The following SLC71A2 variants were observed in gnomAD, a reference collection of about 807,000 sequenced individuals.
The protein encoded by SLC71A2 is hippocampus abundant transcript-like 1.
chr9:94,408,825 TTG>T, the SLC71A2 span, among the ~76,000 whole-genome samples: 2,090 of 78,460 alleles, frequency 0.027, 86 homozygotes, highest in African/African-American at 0.13. Context: ...TCTGTTTTTT[TTG>T]TTTGTTTGTT....
the SLC71A2 span, among the ~76,000 whole-genome samples, chr9:94,436,285 G>T: frequency 1.3e-5 from 2 of 152,272 alleles, no homozygotes; most frequent in Admixed American, 6.5e-5. Flanking sequence ...ATCCAAACTA[G>T]ATCAGTGATA....
At chr9:94,405,978 C>G in the SLC71A2 span, among the ~76,000 whole-genome samples, 1 of 149,330 alleles carries the variant, frequency 6.7e-6, no homozygotes, top group Non-Finnish European at 1.5e-5. Flanking sequence ...TCAGCAGTGT[C>G]TTACAGTTTT....
the SLC71A2 span, among the ~76,000 whole-genome samples, chr9:94,418,757 CTTT>C: frequency 6.1e-5 from 8 of 131,216 alleles, no homozygotes; most frequent in Non-Finnish European, 8.4e-5. Context: ...TCCTTTAATT[CTTT>C]TTTTTTTTTT....
chr9:94,390,252 T>C, the SLC71A2 span, among the ~76,000 whole-genome samples: 1 of 150,380 alleles, frequency 6.6e-6, no homozygotes, highest in East Asian at 2.0e-4. Flanking sequence ...GATAAATGTT[T>C]ACCCCGCTCA....
At chr9:94,445,196 T>C in the SLC71A2 span, 28 of 1,569,298 alleles carry the variant, frequency 1.8e-5, no homozygotes, top group South Asian at 2.6e-4. Context: ...AATAAAAATA[T>C]GGAAATATTT....
chr9:94,446,979 C>A, the SLC71A2 span: 2 of 940,148 alleles, frequency 2.1e-6, no homozygotes, highest in South Asian at 1.4e-5. Context: ...CCAGGAAAAT[C>A]AAAGATGGAG....
the SLC71A2 span, among the ~76,000 whole-genome samples, chr9:94,423,906 A>T: frequency 1.3e-4 from 20 of 151,806 alleles, no homozygotes; most frequent in Non-Finnish European, 2.8e-4. Context: ...ATTTTTGCTT[A>T]TGGTTAGTGT....
chr9:94,412,207 G>T, the SLC71A2 span, among the ~76,000 whole-genome samples: 1 of 152,162 alleles, frequency 6.6e-6, no homozygotes, highest in Non-Finnish European at 1.5e-5. Context: ...TTTGATTTCA[G>T]TGAACTGGTT....
chr9:94,409,129 C>CTTTTTTTTTTTTTT, the SLC71A2 span, among the ~76,000 whole-genome samples: 2 of 68,238 alleles, frequency 2.9e-5, no homozygotes, highest in African/African-American at 1.5e-4. Flanking sequence ...GCCCGGCCTC[C>CTTTTTTTTTTTTTT]TTTTTTTTTT....
At chr9:94,456,611 TTTC>T in the SLC71A2 span, among the ~76,000 whole-genome samples, 47,847 of 152,002 alleles carry the variant, frequency 0.31, 7,802 homozygotes, top group Admixed American at 0.45. Flanking sequence ...TGATACATCT[TTTC>T]TTCTTTAGTG....
At chr9:94,435,801 C>T in the SLC71A2 span, among the ~76,000 whole-genome samples, 3 of 151,932 alleles carry the variant, frequency 2.0e-5, no homozygotes, top group East Asian at 1.9e-4. Flanking sequence ...ATTAGAGGTG[C>T]GCACCACCAT....
chr9:94,455,980 G>C, the SLC71A2 span, among the ~76,000 whole-genome samples: 3 of 152,138 alleles, frequency 2.0e-5, no homozygotes, highest in Non-Finnish European at 4.4e-5. Context: ...AGACCAGGGA[G>C]AAGAAAAGTT....
At chr9:94,421,549 A>C in the SLC71A2 span, among the ~76,000 whole-genome samples, 1 of 152,210 alleles carries the variant, frequency 6.6e-6, no homozygotes, top group Non-Finnish European at 1.5e-5. Flanking sequence ...GTGTTCTTAC[A>C]TAACCACATA....
the SLC71A2 span, among the ~76,000 whole-genome samples, chr9:94,457,468 A>G: frequency 1.3e-5 from 2 of 149,188 alleles, no homozygotes. Flanking sequence ...TTTTTTCTAT[A>G]TCAGAAGTTA....
At chr9:94,375,350 C>T in the SLC71A2 span, among the ~76,000 whole-genome samples, 1 of 151,800 alleles carries the variant, frequency 6.6e-6, no homozygotes, top group Non-Finnish European at 1.5e-5. Context: ...CGTGTTCTCC[C>T]GGCGTCGGAG....
chr9:94,418,474 T>C, the SLC71A2 span, among the ~76,000 whole-genome samples: 1 of 152,124 alleles, frequency 6.6e-6, no homozygotes, highest in South Asian at 2.1e-4. Context: ...ATGCAGTCTT[T>C]CTCTGTCACT....
the SLC71A2 span, among the ~76,000 whole-genome samples, chr9:94,382,895 G>A: frequency 2.6e-5 from 4 of 151,932 alleles, no homozygotes; most frequent in African/African-American, 4.8e-5. Flanking sequence ...GGGTTTCACC[G>A]CGCTAGCCAG....
chr9:94,410,968 G>A, the SLC71A2 span, among the ~76,000 whole-genome samples: 1 of 152,126 alleles, frequency 6.6e-6, no homozygotes, highest in African/African-American at 2.4e-5. Context: ...GTTTTGCCAT[G>A]TTGGCCAGGC....
At chr9:94,400,172 G>A in the SLC71A2 span, among the ~76,000 whole-genome samples, 3 of 152,086 alleles carry the variant, frequency 2.0e-5, no homozygotes, top group South Asian at 4.2e-4. Flanking sequence ...GATCAGTTTC[G>A]AATCTGCCTC....
Sources: allele counts gnomAD v4.1 joint callset (sites outside exome capture counted in the v4.1 genomes callset), GRCh38; gene constraint gnomAD v4.1.1; transcripts MANE v1.5; gene names NCBI Gene and HGNC (gene_info 2026-07-23, HGNC 2026-07-21).